Variants in SCFD2 observed in about 807,000 individuals in gnomAD.
The protein encoded by SCFD2 is sec1 family domain containing 2.
In SCFD2, 54 loss-of-function variants were observed where a neutral mutation model predicts 58.9. The ratio of observed to expected loss-of-function variants is 0.92; its 90% CI spans 0.74 to 1.15. SCFD2 has a LOEUF of 1.15. SCFD2 is among the 50% of genes most tolerant of loss of function. SCFD2 has a pLI of 0.00. For missense variants in SCFD2, 805 were observed against 836.6 expected (o/e 0.96, Z 0.47); for synonymous variants, 321 against 335.9 (o/e 0.96, Z 0.49).
intron 4 of SCFD2, among the ~76,000 whole-genome samples, chr4:53,259,591 A>G (rs993888090): frequency 6.6e-6 from 1 of 152,134 alleles, no homozygotes; most frequent in Non-Finnish European, 1.5e-5. Context: ...GCCTATTTTT[A>G]TACCAGAATC....
At chr4:53,264,013 G>T (rs1730907310) in intron 4 of SCFD2, among the ~76,000 whole-genome samples, 1 of 152,172 alleles carries the variant, frequency 6.6e-6, no homozygotes, top group Admixed American at 6.5e-5. Flanking sequence ...AGCCAATGGA[G>T]TTATGTTCCC....
chr4:52,897,358 T>C (rs1719049794), intron 7 of SCFD2, among the ~76,000 whole-genome samples: 2 of 152,236 alleles, frequency 1.3e-5, no homozygotes, highest in Admixed American at 1.3e-4. Flanking sequence ...TGAGAGCTTT[T>C]AGTGTGAAGT....
At position 52,941,703 on chromosome 4, in the gene SCFD2, C is replaced by A. The variant is rs150207365; in HGVS notation, c.1562-20833G>T. ...CTGCCTAGCTTAAACAGAGGGCCTGCCCTGATAGGGATGAGGGAAATTTAC... is the reference window on the plus strand; with the variant it reads ...CTGCCTAGCTTAAACAGAGGGCCTGACCTGATAGGGATGAGGGAAATTTAC... On this transcript the variant is annotated intron_variant, in intron 5 of 8. Coordinates refer to ENST00000401642, the MANE Select transcript of SCFD2 (RefSeq NM_152540.4). 2.2e-3 allele frequency among the ~76,000 whole-genome samples: 341 copies of A among 152,322 alleles called. 1 individual carries two copies. The highest frequency in any genetic ancestry group is 7.8e-3 in the African/African-American group (323 of 41,578).
chr4:53,359,099 T>C (rs904709998), intron 1 of SCFD2, among the ~76,000 whole-genome samples: 1 of 152,160 alleles, frequency 6.6e-6, no homozygotes, highest in African/African-American at 2.4e-5. Context: ...AAAGTACATT[T>C]AGACAAAGAA....
chr4:53,361,830 A>G (rs1478757330), intron 1 of SCFD2, among the ~76,000 whole-genome samples: 1 of 152,224 alleles, frequency 6.6e-6, no homozygotes, highest in East Asian at 1.9e-4. Flanking sequence ...GTGTATTACT[A>G]ATGATATGAT....
Position 53,177,333 on chromosome 4 carries a change from CAG to C in SCFD2, c.1312-31753_1312-31752del, listed in dbSNP as rs1320046824. Among the ~76,000 whole-genome samples, 5 of 152,220 alleles carry C rather than the reference CAG, an allele frequency of 3.3e-5. No homozygotes were observed. In the East Asian group the frequency reaches 9.7e-4, roughly 29 times the overall value. On this transcript the variant is annotated intron_variant, in intron 4 of 8. Transcript: ENST00000401642. Reference sequence around the variant, plus strand: ...GGCACCCAATCCACAATTGAGGTATCAGGTAAAGAAAGCATCCTGGAGGAAGT... The same window carrying C: ...GGCACCCAATCCACAATTGAGGTATCGTAAAGAAAGCATCCTGGAGGAAGT...
At chr4:53,354,425 G>A (rs936353144) in intron 1 of SCFD2, among the ~76,000 whole-genome samples, 21 of 152,244 alleles carry the variant, frequency 1.4e-4, no homozygotes, top group East Asian at 5.8e-4. Context: ...TGCCAGCGCC[G>A]CAGTGCAGGC....
At chr4:52,892,435 C>T (rs1437829024) in intron 7 of SCFD2, among the ~76,000 whole-genome samples, 1 of 152,168 alleles carries the variant, frequency 6.6e-6, no homozygotes, top group Non-Finnish European at 1.5e-5. Context: ...AATGGCACTT[C>T]AGTGTTTCTG....
In SCFD2 at chr4:52,964,689, GACAC is replaced by G. The variant is rs148501809; in HGVS notation, c.1562-43823_1562-43820del. Reference sequence around the variant, plus strand: ...AATATTGACCTTGCGAAATGTGAGGGACACACACACACACACACACACATACACA... The same window carrying G: ...AATATTGACCTTGCGAAATGTGAGGGACACACACACACACACACATACACA... On this transcript the variant is annotated intron_variant, in intron 5 of 8. Transcript: ENST00000401642. Among the ~76,000 whole-genome samples the G allele has an allele frequency of 8.0e-5, 12 of 149,278 alleles. No homozygotes were observed. In the East Asian group the frequency reaches 1.6e-3, roughly 20 times the overall value.
chr4:53,177,282 C>T (rs992950371), intron 4 of SCFD2, among the ~76,000 whole-genome samples: 2 of 152,142 alleles, frequency 1.3e-5, no homozygotes, highest in African/African-American at 4.8e-5. Flanking sequence ...AATAGCATCC[C>T]TGGTGTTACA....
intron 5 of SCFD2, among the ~76,000 whole-genome samples, chr4:52,974,103 C>CGGGCACAAGACAGGG (rs1721185555): frequency 6.6e-6 from 1 of 152,144 alleles, no homozygotes; most frequent in African/African-American, 2.4e-5. Flanking sequence ...CCTTTGAAAA[C>CGGGCACAAGACAGGG]GGGCACAAGA....
chr4:52,885,797 C>T lies in SCFD2; in HGVS notation c.1912G>A (p.Glu638Lys). 6.2e-7 allele frequency: 1 copy of T among 1,614,156 alleles called. No individual in the cohort carries two copies. Among genetic ancestry groups the T allele is most frequent in the East Asian group, 2.2e-5 (1 of 44,886 alleles). The change falls in exon 8 of 9, where the codon GAA becomes AAA. Residue 638 changes from glutamate (E) to lysine (K), a missense_variant. Physicochemically the swap from Glu to Lys is moderately conservative, Grantham distance 56 (BLOSUM62 1). This residue lies in a region of SCFD2 where 633 missense variants were observed against 646.8 expected (regional missense o/e 0.98). Coordinates refer to ENST00000401642, the MANE Select transcript of SCFD2 (RefSeq NM_152540.4). ...ACAAGATCTTTGACCATTTTCACTT[C>T]AGAGACTGTGACCCCACCTACCACA... is the stretch of plus-strand genomic sequence containing the variant. Reference protein sequence around the residue: ...LFVVGGVTVSEVKMVKDLVAS... With the variant: ...LFVVGGVTVSKVKMVKDLVAS...
intron 5 of SCFD2, among the ~76,000 whole-genome samples, chr4:53,067,429 T>C (rs1356047686): frequency 2.0e-5 from 3 of 151,848 alleles, no homozygotes; most frequent in African/African-American, 7.3e-5. Flanking sequence ...TCAGAATGGG[T>C]ATGTGCATTT....
chr4:53,107,096 T>C (rs1725026474), intron 5 of SCFD2, among the ~76,000 whole-genome samples: 1 of 152,176 alleles, frequency 6.6e-6, no homozygotes, highest in South Asian at 2.1e-4. Flanking sequence ...AAAAGAATTT[T>C]CAACCCAGAA....
At chr4:53,356,719 C>CCAACTTGTA (rs1734409554) in intron 1 of SCFD2, among the ~76,000 whole-genome samples, 1 of 151,124 alleles carries the variant, frequency 6.6e-6, no homozygotes, top group Admixed American at 6.6e-5. Flanking sequence ...GTCACCACAC[C>CCAACTTGTA]CAACTTGTAG....
At chr4:53,065,186 A>T (rs950334903) in intron 5 of SCFD2, among the ~76,000 whole-genome samples, 8 of 152,252 alleles carry the variant, frequency 5.3e-5, no homozygotes, top group African/African-American at 1.9e-4. Flanking sequence ...CACAAATGAC[A>T]GGCATATAAC....
intron 4 of SCFD2, among the ~76,000 whole-genome samples, chr4:53,258,529 G>GGC (rs1560416815): frequency 9.7e-6 from 1 of 102,818 alleles, no homozygotes; most frequent in African/African-American, 4.4e-5. Context: ...CGTATTCCAT[G>GGC]GTGTGTGTGT....
At chr4:52,954,974 C>T (rs558920383) in intron 5 of SCFD2, among the ~76,000 whole-genome samples, 1 of 152,212 alleles carries the variant, frequency 6.6e-6, no homozygotes, top group South Asian at 2.1e-4. Flanking sequence ...CCTCCACCCA[C>T]CCCTCCTGCT....
chr4:53,128,822 T>A (rs530707625), intron 5 of SCFD2, among the ~76,000 whole-genome samples: 2 of 152,194 alleles, frequency 1.3e-5, no homozygotes, highest in Admixed American at 1.3e-4. Flanking sequence ...TTTCTATGAT[T>A]TCACAGAAGG....
Sources: allele counts gnomAD v4.1 joint callset (sites outside exome capture counted in the v4.1 genomes callset), GRCh38; gene constraint gnomAD v4.1.1; regional missense constraint gnomAD v4.1.1; transcripts MANE v1.5; gene names NCBI Gene and HGNC (gene_info 2026-07-23, HGNC 2026-07-21).